EYS: variants seen among roughly 807,000 people sequenced by gnomAD.
The protein encoded by EYS is protein eyes shut homolog.
EYS carries 250 observed loss-of-function variants against 282.1 expected under a neutral mutation model. The ratio of observed to expected loss-of-function variants is 0.89; its 90% confidence interval spans 0.80 to 0.98. The LOEUF is 0.98. Among genes scored for constraint, EYS ranks in the 50% least tolerant of loss-of-function variants. The pLI, the probability that EYS is intolerant of heterozygous loss-of-function variation, is 0.00. For synonymous variants in EYS, 1,355 were observed against 1,282.9 expected, an observed-to-expected ratio of 1.06 and a Z score of -1.20; for missense variants, 4,016 against 3,709.0, an observed-to-expected ratio of 1.08 and a Z score of -2.15.
chr6:65,321,827 C>G (rs1285705632), intron 11 of EYS, among the ~76,000 whole-genome samples: 3 of 152,084 alleles, frequency 2.0e-5, no homozygotes, highest in Non-Finnish European at 4.4e-5. Context: ...AATGTGATGT[C>G]TGGTGAAATG....
intron 28 of EYS, among the ~76,000 whole-genome samples, chr6:64,423,028 G>A (rs1383182780): frequency 1.3e-5 from 2 of 151,972 alleles, no homozygotes; most frequent in Admixed American, 6.6e-5. Flanking sequence ...TTGAATGCCT[G>A]TTTTGTAAAT....
In EYS at chr6:64,741,998, T is replaced by G. The variant is rs544836574; in HGVS notation, c.3443+71380A>C. On this transcript the variant is annotated intron_variant, in intron 22 of 42. Coordinates refer to ENST00000503581, the MANE Select transcript of EYS (RefSeq NM_001142800.2). Reference sequence around the variant, plus strand: ...TTCAAATATTTTTTTTTATTTGCATTCAAAACCTGGCTATTTGGTGCAAGA... The same window carrying G: ...TTCAAATATTTTTTTTTATTTGCATGCAAAACCTGGCTATTTGGTGCAAGA... Among the ~76,000 whole-genome samples the G allele has an allele frequency of 1.5e-4, 23 of 152,294 alleles. 1 individual carries two copies. The highest frequency in any genetic ancestry group is 5.9e-4 in the Admixed American group (9 of 15,284).
chr6:65,321,446 C>A (rs908837009), intron 11 of EYS, among the ~76,000 whole-genome samples: 5 of 151,756 alleles, frequency 3.3e-5, no homozygotes, highest in Non-Finnish European at 7.4e-5. Context: ...AATATTGATT[C>A]CAAGATTGAG....
At chr6:65,019,275 T>C (rs1244435389) in intron 13 of EYS, among the ~76,000 whole-genome samples, 1 of 152,234 alleles carries the variant, frequency 6.6e-6, no homozygotes, top group Non-Finnish European at 1.5e-5. Context: ...TTTCTAAAAA[T>C]ATTTAATTGA....
intron 29 of EYS, 122 bp from the exon 30 acceptor site, chr6:64,307,204 A>G (rs1281153168): frequency 1.7e-6 from 1 of 574,464 alleles, no homozygotes; most frequent in African/African-American, 1.9e-5. Context: ...GATTTATTCT[A>G]CTTATTTATA....
At chr6:64,921,913 C>T (rs1583295882) in intron 15 of EYS, among the ~76,000 whole-genome samples, 1 of 150,170 alleles carries the variant, frequency 6.7e-6, no homozygotes, top group Non-Finnish European at 1.5e-5. Context: ...AGAAAGGGCA[C>T]AAAAATAGTT....
At chr6:65,598,265 AC>A (rs1765486183) in intron 2 of EYS, among the ~76,000 whole-genome samples, 1 of 120,254 alleles carries the variant, frequency 8.3e-6, no homozygotes, top group African/African-American at 3.1e-5. Flanking sequence ...AAAAACAAAA[AC>A]TTTTCTCTCC....
At chr6:65,639,132 G>A (rs1168700300) in intron 2 of EYS, among the ~76,000 whole-genome samples, 1 of 152,224 alleles carries the variant, frequency 6.6e-6, no homozygotes, top group East Asian at 1.9e-4. Flanking sequence ...CCAAATCTAA[G>A]AGAAAAAGTA....
At chr6:63,792,772 T>C (rs1287134045) in intron 37 of EYS, among the ~76,000 whole-genome samples, 1 of 152,210 alleles carries the variant, frequency 6.6e-6, no homozygotes, top group East Asian at 1.9e-4. Flanking sequence ...ATGAAACTTG[T>C]GCAGTTGCAT....
intron 12 of EYS, among the ~76,000 whole-genome samples, chr6:65,174,905 CAT>C (rs1016326649): frequency 1.1e-4 from 17 of 151,234 alleles, no homozygotes; most frequent in Admixed American, 4.0e-4. Flanking sequence ...AATATTCACT[CAT>C]GTAAAAATAT....
At chr6:65,198,569 C>T (rs1765825477) in intron 12 of EYS, among the ~76,000 whole-genome samples, 1 of 151,936 alleles carries the variant, frequency 6.6e-6, no homozygotes, top group Non-Finnish European at 1.5e-5. Flanking sequence ...AAGATTGATA[C>T]AATTTCACTA....
intron 22 of EYS, among the ~76,000 whole-genome samples, chr6:64,726,459 A>G (rs1377942044): frequency 6.6e-6 from 1 of 152,132 alleles, no homozygotes; most frequent in East Asian, 1.9e-4. Context: ...ATTTAAATAA[A>G]TATGGCTCAT....
intron 8 of EYS, among the ~76,000 whole-genome samples, chr6:65,377,505 G>C (rs944503150): frequency 1.3e-5 from 2 of 152,066 alleles, no homozygotes; most frequent in African/African-American, 4.8e-5. Flanking sequence ...GCTAGCAGAA[G>C]ACAAGAAATA....
At chr6:64,055,563 A>T (rs554014253) in intron 33 of EYS, among the ~76,000 whole-genome samples, 80 of 152,162 alleles carry the variant, frequency 5.3e-4, no homozygotes, top group African/African-American at 1.9e-3. Context: ...ATCTATAAAG[A>T]TTCCTTCTTT....
chr6:65,206,198 G>A (rs1315696549), intron 12 of EYS, among the ~76,000 whole-genome samples: 1 of 151,646 alleles, frequency 6.6e-6, no homozygotes, highest in Non-Finnish European at 1.5e-5. Flanking sequence ...TGATAAAGGT[G>A]ACATCACATC....
intron 22 of EYS, among the ~76,000 whole-genome samples, chr6:64,784,045 C>T (rs1475600920): frequency 1.3e-5 from 2 of 151,960 alleles, no homozygotes; most frequent in Admixed American, 1.3e-4. Context: ...TGAAGCTTAC[C>T]ATAAACTTTG....
intron 35 of EYS, among the ~76,000 whole-genome samples, chr6:63,944,378 A>G (rs1047516304): frequency 2.6e-5 from 4 of 152,228 alleles, no homozygotes; most frequent in African/African-American, 7.2e-5. Flanking sequence ...ACATTTTACG[A>G]AAGTGTACGA....
At chr6:64,249,472 T>C (rs1767133897) in intron 30 of EYS, among the ~76,000 whole-genome samples, 2 of 152,224 alleles carry the variant, frequency 1.3e-5, no homozygotes, top group South Asian at 4.1e-4. Flanking sequence ...AAGCCCTGAC[T>C]TGACCACTGT....
intron 35 of EYS, among the ~76,000 whole-genome samples, chr6:63,883,466 A>T (rs1773185514): frequency 6.6e-6 from 1 of 152,194 alleles, no homozygotes; most frequent in South Asian, 2.1e-4. Context: ...CACGGGGGAA[A>T]CTCTCAACCA....
Sources: gnomAD v4.1 joint callset for allele counts (sites outside exome capture counted in the v4.1 genomes callset) on GRCh38, gnomAD v4.1.1 for gene constraint, MANE v1.5 for transcripts, NCBI Gene and HGNC (gene_info 2026-07-23, HGNC 2026-07-21) for gene names.